The following KAT6B variants were observed in gnomAD, a reference collection of about 807,000 sequenced individuals.
The protein encoded by KAT6B is lysine acetyltransferase 6B, also known as histone acetyltransferase KAT6B.
Under a neutral mutation model 187.5 loss-of-function variants are expected in KAT6B, and 10 were observed. The observed-to-expected ratio is 0.05, with a 90% CI of 0.03 to 0.09. KAT6B has a LOEUF of 0.09. Ranked by LOEUF, KAT6B falls within the 10% of genes least tolerant of loss-of-function variation. The pLI is 1.00. For missense variants in KAT6B, 1,952 were observed against 2,558.9 expected (o/e 0.76, Z 5.12); for synonymous variants, 861 against 926.8 (o/e 0.93, Z 1.29).
At chr10:74,952,846 A>ATTTTTTTTTTTTTTTTT (rs34687036) in intron 3 of KAT6B, among the ~76,000 whole-genome samples, 6 of 90,522 alleles carry the variant, frequency 6.6e-5, no homozygotes, top group Admixed American at 1.5e-4. Context: ...TGCCTGGCTA[A>ATTTTTTTTTTTTTTTTT]TTTTTTTTTT....
intron 3 of KAT6B, among the ~76,000 whole-genome samples, chr10:74,897,470 G>A (rs1472157867): frequency 2.0e-5 from 3 of 152,204 alleles, no homozygotes; most frequent in Non-Finnish European, 2.9e-5. Flanking sequence ...CACAGTGGTA[G>A]GCACAACCCT....
chr10:74,928,830 C>T (rs1247480063), intron 3 of KAT6B, among the ~76,000 whole-genome samples: 2 of 152,082 alleles, frequency 1.3e-5, no homozygotes, highest in African/African-American at 2.4e-5. Context: ...TAAAGTAACC[C>T]TGAAATAATG....
intron 4 of KAT6B, 58 bp downstream of exon 4, chr10:74,960,136 C>G: frequency 1.9e-6 from 2 of 1,042,318 alleles, no homozygotes; most frequent in Non-Finnish European, 3.0e-6. Context: ...TAGCTTCATG[C>G]TATTTGTCTC....
At chr10:74,942,663 G>A (rs1434314676) in intron 3 of KAT6B, among the ~76,000 whole-genome samples, 1 of 149,418 alleles carries the variant, frequency 6.7e-6, no homozygotes, top group East Asian at 2.0e-4. Context: ...TACTCGGGAG[G>A]CCGATTCAGG....
intron 6 of KAT6B, among the ~76,000 whole-genome samples, chr10:74,972,303 C>T (rs975800831): frequency 6.6e-6 from 1 of 152,076 alleles, no homozygotes; most frequent in Non-Finnish European, 1.5e-5. Context: ...GAGGGGCCAC[C>T]TCTGCCCTCA....
In KAT6B at chr10:75,028,592, A is replaced by G. The variant is rs371467644; in HGVS notation, c.3768A>G (p.Leu1256=). ...QVWPKGTKRG[L]SKWRQNKERK... is the part of the protein sequence containing the mutation. ...GGCCAAAAGGAACAAAGCGCGGTCT[A>G]TCTAAGTGGAGGCAAAACAAAGAGA... Residue 1256 remains leucine, a synonymous_variant, in exon 18 of 18, where the codon CTA becomes CTG. Transcript: ENST00000287239. 3.7e-5 allele frequency: 59 copies of G among 1,614,234 alleles called. No individual in the cohort carries two copies. Among genetic ancestry groups the G allele is most frequent in the South Asian group, 3.3e-4 (30 of 91,088 alleles).
At chr10:74,859,792 A>AT (rs1352522232) in intron 3 of KAT6B, among the ~76,000 whole-genome samples, 1 of 152,204 alleles carries the variant, frequency 6.6e-6, no homozygotes, top group East Asian at 1.9e-4. Context: ...GATGCCAACA[A>AT]TTACATCCTC....
At chr10:74,965,910 T>G (rs1452841005) in intron 4 of KAT6B, among the ~76,000 whole-genome samples, 1 of 151,852 alleles carries the variant, frequency 6.6e-6, no homozygotes. Flanking sequence ...TATTTTTTTT[T>G]TTTTTTAGTA....
chr10:75,024,829 A>G, intron 16 of KAT6B, 129 bp from the exon 17 acceptor site: 1 of 827,610 alleles, frequency 1.2e-6, no homozygotes, highest in Non-Finnish European at 2.0e-6. Flanking sequence ...AAGGTTAAGT[A>G]CAAAGGCATT....
rs371945178 is a variant in KAT6B at position 75,029,435 on chromosome 10, C to T, written c.4611C>T (p.Ile1537=). The T allele has an allele frequency of 3.9e-4, 632 of 1,613,978 alleles. No homozygotes were observed. The highest frequency in any genetic ancestry group is 5.2e-4 in the Non-Finnish European group (612 of 1,180,030). ...FKEGNPATME[I]DSETVQAVQS... ...AGGGAAACCCAGCAACCATGGAAAT[C>T]GACTCTGAGACTGTCCAGGCCGTTC... is the stretch of plus-strand genomic sequence containing the variant. Residue 1537 remains isoleucine (I), a synonymous_variant, in exon 18 of 18, where the codon ATC becomes ATT. Transcript: ENST00000287239. This position sits in a 1 kb window ranked among gnomAD's most constrained non-coding sequence, Gnocchi z 6.2.
At position 75,020,794 on chromosome 10, in the gene KAT6B, A is replaced by G. The variant is rs780120886; in HGVS notation, c.2842A>G (p.Ile948Val). The change falls in exon 14 of 18, where the codon ATC (isoleucine) becomes GTC (valine). Residue 948 changes from isoleucine (I) to valine (V), a missense_variant. Coordinates refer to ENST00000287239, the MANE Select transcript of KAT6B (RefSeq NM_012330.4). The part of the protein sequence containing the change: ...IATTLQHLHM[I>V]DKRDGRFVII... The stretch of plus-strand genomic sequence containing the variant: ...CACCACTCTGCAGCACCTCCACATG[A>G]TCGACAAGAGAGATGGCAGGTGAGT... 6.2e-7 allele frequency: 1 copy of G among 1,614,092 alleles called. No homozygotes were observed. Among genetic ancestry groups the G allele is most frequent in the East Asian group, 2.2e-5 (1 of 44,884 alleles).
At chr10:74,971,996 T>TC in intron 6 of KAT6B, among the ~76,000 whole-genome samples, 1 of 152,288 alleles carries the variant, frequency 6.6e-6, no homozygotes, top group South Asian at 2.1e-4. Flanking sequence ...TTGACCTATT[T>TC]CTCTATGCTA....
At chr10:75,001,267 G>A (rs908435887) in intron 13 of KAT6B, among the ~76,000 whole-genome samples, 16 of 152,036 alleles carry the variant, frequency 1.1e-4, no homozygotes, top group Non-Finnish European at 2.1e-4. Flanking sequence ...ACCCACGTCC[G>A]TAGAGATCCC....
chr10:74,832,442 T>C (rs965353711), intron 1 of KAT6B, among the ~76,000 whole-genome samples: 4 of 151,672 alleles, frequency 2.6e-5, no homozygotes, highest in Admixed American at 2.0e-4. Context: ...CTGGGCAACA[T>C]AGGGAGACCC....
At chr10:74,849,941 C>CTTTTT (rs751911800) in intron 3 of KAT6B, among the ~76,000 whole-genome samples, 1 of 137,966 alleles carries the variant, frequency 7.2e-6, no homozygotes, top group Non-Finnish European at 1.6e-5. Flanking sequence ...ACAGTGGTGG[C>CTTTTT]TTTTTTTTTT....
rs569351672 is a variant in KAT6B, at chr10:74,934,466, T to C, written c.622-25504T>C. Among the ~76,000 whole-genome samples the C allele has an allele frequency of 1.4e-4, 22 of 152,346 alleles. No individual in the cohort carries two copies. The East Asian group carries it at 3.7e-3, about 25-fold the overall frequency. ...TTCCAAATTCCTAGAATGGGCCGTG[T>C]GAACTTCCTGACTGACCATGCCGGC... is the stretch of plus-strand genomic sequence containing the variant. On this transcript the variant is annotated intron_variant, in intron 3 of 17. Coordinates refer to ENST00000287239, the MANE Select transcript of KAT6B (RefSeq NM_012330.4).
chr10:74,913,055 T>C (rs1044733813), intron 3 of KAT6B, among the ~76,000 whole-genome samples: 2 of 152,250 alleles, frequency 1.3e-5, no homozygotes, highest in African/African-American at 4.8e-5. Context: ...TACTTGAATT[T>C]AGGACTTGAA....
rs375499858 is a variant in KAT6B, at chr10:74,996,733, C to A, written c.2629+7621C>A. ...GCAGTGAGCTGAGATCGCACCACTG[C>A]ACTCCAGCCTGGGCGACAGAGCGAG... On this transcript the variant is annotated intron_variant, in intron 13 of 17. Transcript: ENST00000287239. 4.1e-4 allele frequency among the ~76,000 whole-genome samples: 56 copies of A among 137,588 alleles called. 1 individual carries two copies. In the East Asian group the frequency reaches 0.011, roughly 27 times the overall value. The allele number at this position is 137,588 out of a possible 152,430, so 90.3% of individuals were successfully genotyped here.
intron 3 of KAT6B, among the ~76,000 whole-genome samples, chr10:74,863,063 T>G (rs1262122640): frequency 6.6e-6 from 1 of 152,194 alleles, no homozygotes; most frequent in African/African-American, 2.4e-5. Context: ...GAGTCTATTA[T>G]TTTCAGAGTA....
Sources: gnomAD v4.1 joint callset for allele counts (sites outside exome capture counted in the v4.1 genomes callset) on GRCh38, gnomAD v4.1.1 for gene constraint, Gnocchi (gnomAD v3.1) non-coding constraint, MANE v1.5 for transcripts, NCBI Gene and HGNC (gene_info 2026-07-23, HGNC 2026-07-21) for gene names.